ABI3BP: variants seen among roughly 807,000 people sequenced by gnomAD.
ABI3BP encodes target of Nesh-SH3.
In ABI3BP, 216 loss-of-function variants were observed where a neutral mutation model predicts 268.6. That is an observed-to-expected ratio of 0.80 (90% CI 0.72 to 0.90). The LOEUF (loss-of-function observed/expected upper bound fraction) is 0.90. ABI3BP is among the 40% of genes least tolerant of loss of function. ABI3BP has a pLI of 0.00. For synonymous variants in ABI3BP, 730 were observed against 730.0 expected, an observed-to-expected ratio of 1.00 and a Z score of 0.00; for missense variants, 2,090 against 2,182.4, an observed-to-expected ratio of 0.96 and a Z score of 0.84.
intron 2 of ABI3BP, among the ~76,000 whole-genome samples, chr3:100,903,267 T>C (rs1397595071): frequency 6.6e-6 from 1 of 152,262 alleles, no homozygotes; most frequent in Non-Finnish European, 1.5e-5. Context: ...ATTTTCATTT[T>C]AAATATATTT....
chr3:100,852,433 C>T (rs150864323), intron 14 of ABI3BP, among the ~76,000 whole-genome samples: 2 of 152,294 alleles, frequency 1.3e-5, no homozygotes, highest in African/African-American at 4.8e-5. Flanking sequence ...CTTACTCATA[C>T]ATCAACTTAT....
Position 100,817,454 on chromosome 3 carries a change from A to G in ABI3BP, c.3130T>C (p.Phe1044Leu), listed in dbSNP as rs1450777913. The G allele has an allele frequency of 2.6e-6, 4 of 1,511,960 alleles. No homozygotes were observed. In the African/African-American group the frequency reaches 4.1e-5, roughly 16 times the overall value. The allele number at this position is 1,511,960 out of a possible 1,614,324, so 93.7% of individuals were successfully genotyped here. A position where few individuals can be genotyped will look rare whatever the true frequency, so the allele number is the denominator to read the frequency against. The change falls in exon 42 of 68, where the codon TTT (phenylalanine) becomes CTT (leucine). Residue 1044 changes from phenylalanine (F) to leucine (L), a missense_variant. Coordinates refer to ENST00000471714, the MANE Select transcript of ABI3BP (RefSeq NM_001375547.2). ...VLEPDTFRTKFPETTLAPKTQ... is the reference protein window; with the variant it reads ...VLEPDTFRTKLPETTLAPKTQ... The stretch of plus-strand genomic sequence containing the variant: ...TCATTACCTAACGTTGTTTCTGGAA[A>G]CTTGGTTCTAAAAGTGTCAGGTTCA...
At chr3:100,855,284 C>T (rs2098927613) in intron 14 of ABI3BP, among the ~76,000 whole-genome samples, 1 of 152,170 alleles carries the variant, frequency 6.6e-6, no homozygotes, top group South Asian at 2.1e-4. Context: ...TGACTAGATG[C>T]AAAGCCCCCA....
intron 1 of ABI3BP, among the ~76,000 whole-genome samples, chr3:100,938,667 A>G (rs1157135001): frequency 6.6e-6 from 1 of 152,168 alleles, no homozygotes; most frequent in African/African-American, 2.4e-5. Context: ...ACAAAAAACC[A>G]TGGCAGCTTC....
chr3:100,785,790 C>T (rs2097021792), intron 57 of ABI3BP, among the ~76,000 whole-genome samples: 2 of 152,116 alleles, frequency 1.3e-5, no homozygotes, highest in Admixed American at 1.3e-4. Context: ...TTCACAGATG[C>T]CCTTTATCAG....
intron 1 of ABI3BP, among the ~76,000 whole-genome samples, chr3:100,935,524 G>A (rs1194700201): frequency 6.6e-6 from 1 of 151,990 alleles, no homozygotes; most frequent in Non-Finnish European, 1.5e-5. Context: ...GAAAGTCAAT[G>A]GTAATTTGAT....
chr3:100,764,400 G>A (rs2096158218), intron 63 of ABI3BP, among the ~76,000 whole-genome samples: 1 of 152,210 alleles, frequency 6.6e-6, no homozygotes, highest in Non-Finnish European at 1.5e-5. Context: ...CGTGTGTGTA[G>A]CCATACTTAA....
chr3:100,755,310 T>A (rs565630855), intron 63 of ABI3BP, among the ~76,000 whole-genome samples: 5 of 152,298 alleles, frequency 3.3e-5, no homozygotes, highest in South Asian at 2.1e-4. Context: ...TAGACTAAGC[T>A]ATAGTTAGTC....
At chr3:100,827,996 G>A (rs1353443246) in intron 34 of ABI3BP, among the ~76,000 whole-genome samples, 3 of 151,988 alleles carry the variant, frequency 2.0e-5, no homozygotes, top group Non-Finnish European at 4.4e-5. Flanking sequence ...GTTTGGGAAT[G>A]GCTGCAAGTG....
At chr3:100,984,458 T>C (rs1202861609) in intron 1 of ABI3BP, among the ~76,000 whole-genome samples, 1 of 152,202 alleles carries the variant, frequency 6.6e-6, no homozygotes, top group Non-Finnish European at 1.5e-5. Context: ...ATGGTTGGGC[T>C]TTCAAAGTAT....
chr3:100,786,717 T>A (rs1383937234), intron 57 of ABI3BP, among the ~76,000 whole-genome samples: 1 of 152,160 alleles, frequency 6.6e-6, no homozygotes, highest in Non-Finnish European at 1.5e-5. Flanking sequence ...TCTGAAAAAT[T>A]GTGCACCATC....
At chr3:100,959,722 A>G (rs529840584) in intron 1 of ABI3BP, among the ~76,000 whole-genome samples, 2 of 152,216 alleles carry the variant, frequency 1.3e-5, no homozygotes, top group South Asian at 2.1e-4. Context: ...CTCTCTGGTA[A>G]ATCAGTCTTG....
intron 1 of ABI3BP, among the ~76,000 whole-genome samples, chr3:100,977,032 A>G (rs1304065451): frequency 1.3e-5 from 2 of 152,224 alleles, no homozygotes; most frequent in Admixed American, 6.5e-5. Context: ...TATTTTTCCA[A>G]TCACTCTTTA....
chr3:100,940,611 C>T (rs1384869348), intron 1 of ABI3BP, among the ~76,000 whole-genome samples: 1 of 150,462 alleles, frequency 6.6e-6, no homozygotes, highest in African/African-American at 2.4e-5. Context: ...AGCCACCCCA[C>T]CCATCCTGCC....
At chr3:100,854,832 TAAG>T (rs1397723618) in intron 14 of ABI3BP, among the ~76,000 whole-genome samples, 5 of 141,936 alleles carry the variant, frequency 3.5e-5, no homozygotes, top group Admixed American at 1.3e-4. Flanking sequence ...CAGTCATAAC[TAAG>T]TTTTACTTTC....
At chr3:100,917,626 G>A (rs1196250869) in intron 2 of ABI3BP, among the ~76,000 whole-genome samples, 1 of 152,054 alleles carries the variant, frequency 6.6e-6, no homozygotes, top group Admixed American at 6.5e-5. Flanking sequence ...TTAGCCATTC[G>A]GGGACACTCT....
intron 57 of ABI3BP, among the ~76,000 whole-genome samples, chr3:100,784,183 G>A (rs889354068): frequency 6.6e-6 from 1 of 152,134 alleles, no homozygotes; most frequent in Non-Finnish European, 1.5e-5. Flanking sequence ...GATTTTTATA[G>A]AGACCTCAAC....
rs553808691 is a variant in ABI3BP at position 100,907,491 on chromosome 3, T to TG, written c.260-4806dup. Among the ~76,000 whole-genome samples, 132 of 151,680 alleles carry TG rather than the reference T, an allele frequency of 8.7e-4. 1 individual carries two copies. The highest frequency in any genetic ancestry group is 3.7e-3 in the East Asian group (19 of 5,142). ...CCTGGGTGACAGTGAGACCTTGTTT[T>TG]GGGGGGGGAATAAAAGCTGTAACAA... On this transcript the variant is annotated intron_variant, in intron 2 of 67. Coordinates refer to ENST00000471714, the MANE Select transcript of ABI3BP (RefSeq NM_001375547.2).
At chr3:100,867,710 T>C (rs2099068208) in intron 9 of ABI3BP, among the ~76,000 whole-genome samples, 1 of 150,560 alleles carries the variant, frequency 6.6e-6, no homozygotes, top group East Asian at 1.9e-4. Flanking sequence ...AGTTATGACA[T>C]TGAGATTTTA....
Sources: allele counts gnomAD v4.1 joint callset (sites outside exome capture counted in the v4.1 genomes callset), GRCh38; gene constraint gnomAD v4.1.1; transcripts MANE v1.5; gene names NCBI Gene and HGNC (gene_info 2026-07-23, HGNC 2026-07-21).